The following AK2 variants were observed in gnomAD, a reference collection of about 807,000 sequenced individuals.
AK2 encodes the protein adenylate kinase 2, mitochondrial.
AK2 carries 15 observed loss-of-function variants against 24.6 expected under a neutral mutation model. That is an observed-to-expected ratio of 0.61 (90% CI 0.41 to 0.94). The LOEUF (loss-of-function observed/expected upper bound fraction) is 0.94. Among genes scored for constraint, AK2 ranks in the 40% least tolerant of loss-of-function variants. AK2 has a pLI of 0.00. For missense variants in AK2, 257 were observed against 304.1 expected (o/e 0.85, Z 1.15); for synonymous variants, 102 against 114.0 (o/e 0.90, Z 0.67).
intron 4 of AK2, among the ~76,000 whole-genome samples, chr1:33,016,096 G>A (rs952950610): frequency 5.9e-5 from 9 of 152,132 alleles, no homozygotes; most frequent in African/African-American, 1.7e-4. Context: ...GTATCCATGG[G>A]GGGATTGGTT....
chr1:33,028,362 G>A (rs1168478303), intron 1 of AK2, among the ~76,000 whole-genome samples: 3 of 152,096 alleles, frequency 2.0e-5, no homozygotes, highest in African/African-American at 7.2e-5. Flanking sequence ...AATTAGCTGG[G>A]CGTGGTGGCA....
At chr1:33,033,475 C>A (rs1640378214) in intron 1 of AK2, among the ~76,000 whole-genome samples, 2 of 152,100 alleles carry the variant, frequency 1.3e-5, no homozygotes, top group Non-Finnish European at 2.9e-5. Context: ...TACACTCCAG[C>A]TTGGGCAACT....
At chr1:33,014,725 C>A (rs1639072124) in intron 4 of AK2, 131 bp from the exon 5 acceptor site, 4 of 763,266 alleles carry the variant, frequency 5.2e-6, no homozygotes, top group Non-Finnish European at 9.2e-6. Context: ...AGCAGAAAAT[C>A]CAGCTAAATA....
chr1:33,034,320 A>G (rs971599276), intron 1 of AK2, among the ~76,000 whole-genome samples: 107 of 152,130 alleles, frequency 7.0e-4, no homozygotes, highest in African/African-American at 2.4e-3. Flanking sequence ...TCCTGAATAA[A>G]TCATGTCTTA....
At position 33,036,775 on chromosome 1, in the gene AK2, G is replaced by C; in HGVS notation, c.54C>G (p.Ala18=). 6.4e-7 allele frequency: 1 copy of C among 1,568,434 alleles called. No homozygotes were observed. Among genetic ancestry groups the C allele is most frequent in the South Asian group, 1.1e-5 (1 of 87,382 alleles). Residue 18 remains alanine (A), a synonymous_variant, in exon 1 of 6, where the codon GCC becomes GCG. Coordinates refer to ENST00000672715, the MANE Select transcript of AK2 (RefSeq NM_001625.4). ...AEPEYPKGIR[A]VLLGPPGAGK... The stretch of plus-strand genomic sequence containing the variant: ...CGGCCCCGGGAGGCCCCAGCAGCAC[G>C]GCCCGGATGCCTTTAGGATACTCGG...
intron 1 of AK2, among the ~76,000 whole-genome samples, chr1:33,024,897 G>A (rs1219208920): frequency 6.6e-6 from 1 of 152,062 alleles, no homozygotes; most frequent in Non-Finnish European, 1.5e-5. Context: ...ATTATAAATG[G>A]GAAGACTTGC....
rs1050450676 is a variant in AK2, at chr1:33,009,979, A to C, written c.*3202T>G. 2.2e-6 allele frequency: 1 copy of C among 454,636 alleles called. No individual in the cohort carries two copies. The highest frequency in any genetic ancestry group is 4.4e-6 in the Non-Finnish European group (1 of 226,812). 28.2% of individuals were successfully genotyped at this position (454,636 alleles called of 1,614,324 possible). A position where few individuals can be genotyped will look rare whatever the true frequency, so the allele number is the denominator to read the frequency against. On this transcript the variant is annotated 3_prime_UTR_variant, in exon 6 of 6. Coordinates refer to ENST00000672715, the MANE Select transcript of AK2 (RefSeq NM_001625.4). ...CAAACAAGGCAGCATTTGGTCAGTT[A>C]AGAAAGGCACCTCATTGAAAATAAT...
chr1:33,021,524 G>C lies in AK2; in HGVS notation c.331-63C>G, dbSNP rs528833328. On this transcript the variant is annotated intron_variant, in intron 3 of 5. Transcript: ENST00000672715. The stretch of plus-strand genomic sequence containing the variant: ...CTTGGTTAGACCCATCTCCTTCAAA[G>C]GAATTAAGAAAGACAAAGGACAAGA... 1.6e-5 allele frequency: 25 copies of C among 1,604,952 alleles called. No homozygotes were observed. In the African/African-American group the frequency reaches 2.1e-4, roughly 14 times the overall value.
At chr1:33,029,318 G>T (rs1640096508) in intron 1 of AK2, 1 of 151,896 alleles carries the variant, frequency 6.6e-6, no homozygotes, top group Non-Finnish European at 1.5e-5. Context: ...GGGAATTTTG[G>T]CCTGCTCTTT....
intron 1 of AK2, chr1:33,031,969 T>C (rs1387505478): frequency 4.5e-6 from 1 of 221,046 alleles, no homozygotes; most frequent in African/African-American, 2.3e-5. Context: ...CAAAAGCGAG[T>C]AGTTTTGAAA....
rs545441973 is a variant in AK2 at position 33,010,791 on chromosome 1, T to G, written c.*2390A>C. The G allele has an allele frequency of 5.6e-6, 9 of 1,614,232 alleles. 1 individual carries two copies. Among genetic ancestry groups the G allele is most frequent in the Admixed American group, 5.0e-5 (3 of 60,024 alleles). On this transcript the variant is annotated 3_prime_UTR_variant, in exon 6 of 6. Transcript: ENST00000672715. ...TAAGAGCAGGGATCACGCCGCGGGGTGATGAGCAGTGTTGCAGTCTCGCCT... is the reference window on the plus strand; with the variant it reads ...TAAGAGCAGGGATCACGCCGCGGGGGGATGAGCAGTGTTGCAGTCTCGCCT...
Position 33,020,738 on chromosome 1 carries a change from G to A in AK2, c.425+629C>T, listed in dbSNP as rs117094603. Among the ~76,000 whole-genome samples the A allele has an allele frequency of 3.6e-3, 545 of 152,154 alleles. 24 individuals are homozygous for A. In the East Asian group the frequency reaches 0.093, roughly 26 times the overall value. On this transcript the variant is annotated intron_variant, in intron 4 of 5. Coordinates refer to ENST00000672715, the MANE Select transcript of AK2 (RefSeq NM_001625.4). ...TACATGCCTGTAGTCCGAGTTACTC[G>A]GGAGGCTGAGACAGGAGAATTACTT...
intron 2 of AK2, chr1:33,024,219 C>A: frequency 1.6e-6 from 1 of 615,052 alleles, no homozygotes; most frequent in South Asian, 2.0e-5. Context: ...GTTAAAACAC[C>A]CTCTAGCACA....
intron 2 of AK2, among the ~76,000 whole-genome samples, chr1:33,023,834 G>C (rs910138556): frequency 2.0e-5 from 3 of 152,146 alleles, no homozygotes; most frequent in Non-Finnish European, 4.4e-5. Flanking sequence ...TACTATGAAT[G>C]AGTGCCATAA....
chr1:33,010,974 T>C lies in AK2; in HGVS notation c.*2207A>G. On this transcript the variant is annotated 3_prime_UTR_variant, in exon 6 of 6. Coordinates refer to ENST00000672715, the MANE Select transcript of AK2 (RefSeq NM_001625.4). ...TGTGACAGGTAAAAGCAGAACCTGCTGAGGCTGAGGAACTCTGGAATTAAA... is the reference window on the plus strand; with the variant it reads ...TGTGACAGGTAAAAGCAGAACCTGCCGAGGCTGAGGAACTCTGGAATTAAA... 1 of 1,544,876 alleles carries C rather than the reference T, an allele frequency of 6.5e-7. No individual in the cohort carries two copies.
In AK2 at chr1:33,010,888, A is replaced by G; in HGVS notation, c.*2293T>C. 6.2e-7 allele frequency: 1 copy of G among 1,612,650 alleles called. No homozygotes were observed. Among genetic ancestry groups the G allele is most frequent in the South Asian group, 1.1e-5 (1 of 90,624 alleles). The stretch of plus-strand genomic sequence containing the variant: ...AAATGGGTTTTTAAAAACCAAGTAC[A>G]TATCAGAGGAGGCTGGCATGTAAGC... On this transcript the variant is annotated 3_prime_UTR_variant, in exon 6 of 6. Coordinates refer to ENST00000672715, the MANE Select transcript of AK2 (RefSeq NM_001625.4).
chr1:33,013,579 C>T (rs899253216), intron 5 of AK2, among the ~76,000 whole-genome samples, 177 bp from the exon 6 acceptor site: 1 of 152,124 alleles, frequency 6.6e-6, no homozygotes, highest in African/African-American at 2.4e-5. Flanking sequence ...TTGCTACTCC[C>T]AGGAGCAGAG....
At position 33,036,796 on chromosome 1, in the gene AK2, C is replaced by T. The variant is rs766961297; in HGVS notation, c.33G>A (p.Glu11=). The T allele has an allele frequency of 1.3e-6, 2 of 1,598,784 alleles. No individual in the cohort carries two copies. Among genetic ancestry groups the T allele is most frequent in the Non-Finnish European group, 1.7e-6 (2 of 1,173,530 alleles). The change falls in exon 1 of 6, where the codon GAG becomes GAA. Residue 11 remains glutamate, a synonymous_variant. Coordinates refer to ENST00000672715, the MANE Select transcript of AK2 (RefSeq NM_001625.4). MAPSVPAAEP[E]YPKGIRAVLL... The stretch of plus-strand genomic sequence containing the variant: ...GCACGGCCCGGATGCCTTTAGGATA[C>T]TCGGGTTCTGCCGCTGGCACGCTGG...
intron 4 of AK2, chr1:33,019,556 A>AC: frequency 1.1e-6 from 1 of 940,644 alleles, no homozygotes; most frequent in Non-Finnish European, 1.3e-6. Flanking sequence ...TAACCTGGAC[A>AC]TTTGAAAAGA....
Sources: allele counts gnomAD v4.1 joint callset (sites outside exome capture counted in the v4.1 genomes callset), GRCh38; gene constraint gnomAD v4.1.1; transcripts MANE v1.5; gene names NCBI Gene and HGNC (gene_info 2026-07-23, HGNC 2026-07-21).